The following MTMR7 variants were observed in gnomAD, a reference collection of about 807,000 sequenced individuals.
MTMR7 encodes the protein myotubularin related protein 7, also known as phosphatidylinositol-3-phosphate phosphatase MTMR7.
Under a neutral mutation model 81.2 loss-of-function variants are expected in MTMR7, and 76 were observed. The ratio of observed to expected loss-of-function variants is 0.94; its 90% confidence interval spans 0.78 to 1.13. The LOEUF is 1.13. MTMR7 is among the 50% of genes most tolerant of loss of function. MTMR7 has a pLI of 0.00. For missense variants in MTMR7, 1,044 were observed against 820.0 expected (o/e 1.27, Z -3.34); for synonymous variants, 372 against 289.8 (o/e 1.28, Z -2.88).
intron 1 of MTMR7, among the ~76,000 whole-genome samples, chr8:17,376,631 C>G (rs1257178230): frequency 1.3e-5 from 2 of 152,062 alleles, no homozygotes; most frequent in African/African-American, 4.8e-5. Context: ...TATAGTCATC[C>G]TAATATGCGA....
intron 6 of MTMR7, among the ~76,000 whole-genome samples, chr8:17,339,732 A>C (rs140939811): frequency 6.6e-6 from 1 of 152,248 alleles, no homozygotes; most frequent in Admixed American, 6.5e-5. Flanking sequence ...TTATGTGGAC[A>C]TAAGTTTTCA....
intron 6 of MTMR7, among the ~76,000 whole-genome samples, chr8:17,337,177 G>A (rs1819267487): frequency 6.6e-6 from 1 of 152,012 alleles, no homozygotes; most frequent in Non-Finnish European, 1.5e-5. Flanking sequence ...TTCGAGACCA[G>A]CCTGGTGAAA....
chr8:17,302,003 G>T, intron 13 of MTMR7, 151 bp downstream of exon 13: 1 of 1,009,578 alleles, frequency 9.9e-7, no homozygotes, highest in Non-Finnish European at 1.5e-6. Context: ...GGTTATCTGA[G>T]TCCTGACCTG....
intron 3 of MTMR7, among the ~76,000 whole-genome samples, chr8:17,363,747 G>C (rs553910103): frequency 6.6e-6 from 1 of 152,176 alleles, no homozygotes; most frequent in South Asian, 2.1e-4. Context: ...CCCAGATACA[G>C]CCTGCAGACT....
At chr8:17,411,602 A>G (rs1821736093) in intron 1 of MTMR7, among the ~76,000 whole-genome samples, 1 of 152,202 alleles carries the variant, frequency 6.6e-6, no homozygotes, top group Non-Finnish European at 1.5e-5. Flanking sequence ...GACTCACCCA[A>G]TTCAGTAACA....
chr8:17,380,237 G>A (rs577346193), intron 1 of MTMR7, among the ~76,000 whole-genome samples: 9 of 152,284 alleles, frequency 5.9e-5, no homozygotes, highest in African/African-American at 2.2e-4. Flanking sequence ...CCAGTTGTCA[G>A]TTTGTTTATG....
intron 7 of MTMR7, among the ~76,000 whole-genome samples, chr8:17,319,356 A>G (rs768346316): frequency 1.3e-5 from 2 of 152,324 alleles, no homozygotes; most frequent in East Asian, 1.9e-4. Context: ...TATGATACAC[A>G]TTGTATTATC....
chr8:17,369,641 C>CTTTTT (rs71212689), intron 3 of MTMR7, among the ~76,000 whole-genome samples: 15 of 106,238 alleles, frequency 1.4e-4, no homozygotes, highest in Admixed American at 2.2e-4. Context: ...TTCTTTTTTT[C>CTTTTT]TTTTTTTTTT....
chr8:17,324,354 C>T (rs986529269), intron 7 of MTMR7, among the ~76,000 whole-genome samples: 1 of 152,198 alleles, frequency 6.6e-6, no homozygotes, highest in Non-Finnish European at 1.5e-5. Context: ...ATAATCTACC[C>T]TACAGGGTAG....
chr8:17,409,361 G>A (rs1331088849), intron 1 of MTMR7, among the ~76,000 whole-genome samples: 1 of 152,130 alleles, frequency 6.6e-6, no homozygotes, highest in Non-Finnish European at 1.5e-5. Flanking sequence ...TCGGGAGGCT[G>A]AGGCAGGAGA....
At position 17,331,543 on chromosome 8, in the gene MTMR7, G is replaced by C. The variant is rs566311347; in HGVS notation, c.733-261C>G. Among the ~76,000 whole-genome samples the C allele has an allele frequency of 5.3e-5, 8 of 152,322 alleles. No homozygotes were observed. The East Asian group carries it at 1.5e-3, about 29-fold the overall frequency. On this transcript the variant is annotated intron_variant, in intron 6 of 13. Coordinates refer to ENST00000180173, the MANE Select transcript of MTMR7 (RefSeq NM_004686.5). ...AGCAGTCTACTGATAAACCCTTCTG[G>C]AGATGTCACTTGCAGTCCCCGTCAG...
At chr8:17,310,000 T>A (rs914908793) in intron 9 of MTMR7, among the ~76,000 whole-genome samples, 1 of 152,192 alleles carries the variant, frequency 6.6e-6, no homozygotes, top group South Asian at 2.1e-4. Context: ...TATTGTTTTA[T>A]ATTTTAAAAT....
chr8:17,330,503 T>A (rs138829313), intron 7 of MTMR7, among the ~76,000 whole-genome samples: 3 of 152,248 alleles, frequency 2.0e-5, no homozygotes, highest in African/African-American at 7.2e-5. Flanking sequence ...CTGGTTTTGC[T>A]TGAAATGCAG....
intron 13 of MTMR7, 146 bp from the exon 14 acceptor site, chr8:17,300,370 T>G (rs888312341): frequency 1.1e-6 from 1 of 871,464 alleles, no homozygotes; most frequent in African/African-American, 1.7e-5. Context: ...AAACCTGGAC[T>G]TCACGACCTT....
chr8:17,301,946 C>A, intron 13 of MTMR7: 1 of 511,708 alleles, frequency 2.0e-6, no homozygotes, highest in South Asian at 4.9e-5. Context: ...GGAACTGAGC[C>A]ACAAACCAGA....
At chr8:17,311,064 TAAA>T (rs1338040234) in intron 9 of MTMR7, among the ~76,000 whole-genome samples, 1 of 152,172 alleles carries the variant, frequency 6.6e-6, no homozygotes, top group African/African-American at 2.4e-5. Context: ...AAGGACTACT[TAAA>T]AAACATACCC....
chr8:17,399,619 G>C (rs1821361998), intron 1 of MTMR7, among the ~76,000 whole-genome samples: 1 of 151,924 alleles, frequency 6.6e-6, no homozygotes, highest in Admixed American at 6.6e-5. Context: ...GACAGAAATA[G>C]AAAAAATCCT....
intron 6 of MTMR7, among the ~76,000 whole-genome samples, chr8:17,339,340 A>AGTT (rs1819342645): frequency 6.6e-6 from 1 of 152,160 alleles, no homozygotes; most frequent in Admixed American, 6.5e-5. Flanking sequence ...ATACCCACAG[A>AGTT]GTTGTGCAAC....
chr8:17,361,066 G>A (rs953313926), intron 4 of MTMR7, 51 bp downstream of exon 4: 1 of 1,595,202 alleles, frequency 6.3e-7, no homozygotes, highest in African/African-American at 1.3e-5. Context: ...TGCTAAGCTG[G>A]CTGAAACCCT....
Sources: gnomAD v4.1 joint callset for allele counts (sites outside exome capture counted in the v4.1 genomes callset) on GRCh38, gnomAD v4.1.1 for gene constraint, MANE v1.5 for transcripts, NCBI Gene and HGNC (gene_info 2026-07-23, HGNC 2026-07-21) for gene names.